ATRNL1: variants seen among roughly 807,000 people sequenced by gnomAD.
ATRNL1 encodes attractin-like protein 1.
Under a neutral mutation model 182.7 loss-of-function variants are expected in ATRNL1, and 95 were observed. The observed-to-expected ratio is 0.52, with a 90% confidence interval of 0.44 to 0.62. The LOEUF (loss-of-function observed/expected upper bound fraction) is 0.62. ATRNL1 is among the 20% of genes least tolerant of loss of function. The probability of loss-of-function intolerance (pLI) is 0.00; values close to 1 mark genes in which losing one functional copy is unlikely to be tolerated. For synonymous variants in ATRNL1, 576 were observed against 568.3 expected (o/e 1.01, Z -0.19); for missense variants, 1,471 against 1,679.5 (o/e 0.88, Z 2.17).
intron 25 of ATRNL1, among the ~76,000 whole-genome samples, chr10:115,532,528 G>C (rs1851660129): frequency 6.6e-6 from 1 of 152,016 alleles, no homozygotes; most frequent in East Asian, 1.9e-4. Context: ...ATTTTGGGCT[G>C]AGACAGTGGG....
chr10:115,387,553 A>G (rs1359301750), intron 19 of ATRNL1, among the ~76,000 whole-genome samples: 2 of 152,170 alleles, frequency 1.3e-5, no homozygotes, highest in African/African-American at 4.8e-5. Flanking sequence ...ACCTGTATCA[A>G]TTTCCAGCCA....
chr10:115,526,423 G>C (rs1249172226), intron 25 of ATRNL1, among the ~76,000 whole-genome samples: 2 of 152,112 alleles, frequency 1.3e-5, no homozygotes, highest in African/African-American at 4.8e-5. Flanking sequence ...CCCTCTGCAG[G>C]TATCAATACA....
At chr10:115,451,027 C>T (rs2420080) in intron 21 of ATRNL1, among the ~76,000 whole-genome samples, 1,979 of 152,126 alleles carry the variant, frequency 0.013, 111 homozygotes, top group Admixed American at 0.1. Flanking sequence ...AATGAAGACT[C>T]CCTTTTCAAT....
At position 115,827,003 on chromosome 10, in the gene ATRNL1, C is replaced by A. The variant is rs1354030941; in HGVS notation, c.3904-20874C>A. Among the ~76,000 whole-genome samples the A allele has an allele frequency of 2.6e-5, 4 of 152,072 alleles. No homozygotes were observed. In the East Asian group the frequency reaches 7.7e-4, roughly 29 times the overall value. On this transcript the variant is annotated intron_variant, in intron 27 of 28. Transcript: ENST00000355044. ...CTGCCTAGAAATCTGTCTCCTGACA[C>A]CTCCATTCAAGTGTCATACATCAAA...
In ATRNL1 at chr10:115,313,919, GA is replaced by G. The variant is rs1248136605; in HGVS notation, c.2819-1595del. 2.0e-5 allele frequency among the ~76,000 whole-genome samples: 3 copies of G among 151,968 alleles called. No individual in the cohort carries two copies. The East Asian group carries it at 5.8e-4, about 29-fold the overall frequency. ...TAGCATAGTAACCCAATATACTTTT[GA>G]AAACAATTAGAATAAACTAGTTAAC... is the stretch of plus-strand genomic sequence containing the variant. On this transcript the variant is annotated intron_variant, in intron 17 of 28. Transcript: ENST00000355044.
chr10:115,579,822 CTT>C (rs1267342723), intron 26 of ATRNL1, among the ~76,000 whole-genome samples: 1 of 151,656 alleles, frequency 6.6e-6, no homozygotes, highest in African/African-American at 2.4e-5. Context: ...CTTCCTGCCT[CTT>C]TTTTATTGTT....
chr10:115,190,149 A>G (rs1848113121), intron 8 of ATRNL1, among the ~76,000 whole-genome samples: 1 of 152,090 alleles, frequency 6.6e-6, no homozygotes, highest in African/African-American at 2.4e-5. Flanking sequence ...AAATTGCCTA[A>G]CAGTGCATTT....
intron 28 of ATRNL1, among the ~76,000 whole-genome samples, chr10:115,871,482 T>TAG (rs1555106106): frequency 7.8e-6 from 1 of 127,704 alleles, no homozygotes; most frequent in Non-Finnish European, 1.5e-5. Context: ...TGTGTGTGTA[T>TAG]ATATATATAT....
chr10:115,466,725 G>T (rs1452652203), intron 22 of ATRNL1, among the ~76,000 whole-genome samples: 3 of 150,876 alleles, frequency 2.0e-5, no homozygotes, highest in Non-Finnish European at 4.5e-5. Context: ...GAAAATATGG[G>T]TTTAATAATA....
chr10:115,916,529 A>G (rs533698925), intron 28 of ATRNL1, among the ~76,000 whole-genome samples: 7 of 152,352 alleles, frequency 4.6e-5, no homozygotes, highest in African/African-American at 1.7e-4. Context: ...CTATGATTTC[A>G]GCTCTCCCTC....
chr10:115,121,124 T>G (rs1592128222), intron 2 of ATRNL1, among the ~76,000 whole-genome samples: 1 of 152,238 alleles, frequency 6.6e-6, no homozygotes, highest in African/African-American at 2.4e-5. Context: ...AAAGATTTTT[T>G]TTTTTTGAGA....
At chr10:115,160,466 A>G (rs1474967078) in intron 6 of ATRNL1, among the ~76,000 whole-genome samples, 1 of 151,816 alleles carries the variant, frequency 6.6e-6, no homozygotes, top group African/African-American at 2.4e-5. Flanking sequence ...AGAAAATATT[A>G]ACTTCAAATA....
At position 115,247,602 on chromosome 10, in the gene ATRNL1, A is replaced by G. The variant is rs200564978; in HGVS notation, c.1687+5877A>G. 1.1e-4 allele frequency among the ~76,000 whole-genome samples: 16 copies of G among 152,312 alleles called. No homozygotes were observed. The East Asian group carries it at 3.1e-3, about 29-fold the overall frequency. ...ATGTAAGCTAGTACAGCCACTATGG[A>G]GAATAGTATGGAGGTTCTTCAAAAA... On this transcript the variant is annotated intron_variant, in intron 10 of 28. Coordinates refer to ENST00000355044, the MANE Select transcript of ATRNL1 (RefSeq NM_207303.4).
At chr10:115,363,600 A>G (rs1201366731) in intron 19 of ATRNL1, among the ~76,000 whole-genome samples, 2 of 149,912 alleles carry the variant, frequency 1.3e-5, no homozygotes, top group African/African-American at 2.4e-5. Context: ...GCCCATGCCT[A>G]TGTCCTGAAT....
At position 115,170,044 on chromosome 10, in the gene ATRNL1, A is replaced by T. The variant is rs184121702; in HGVS notation, c.1093-993A>T. On this transcript the variant is annotated intron_variant, in intron 7 of 28. Transcript: ENST00000355044. Reference sequence around the variant, plus strand: ...TTAGCTCTAAGTGCTTTTTAAAAAAATTTTTAGGACTTTCTATATACCAGA... The same window carrying T: ...TTAGCTCTAAGTGCTTTTTAAAAAATTTTTTAGGACTTTCTATATACCAGA... Among the ~76,000 whole-genome samples the T allele has an allele frequency of 9.3e-3, 1,420 of 152,232 alleles. 10 individuals are homozygous for T. Among genetic ancestry groups the T allele is most frequent in the Non-Finnish European group, 0.012 (810 of 67,998 alleles).
chr10:115,279,769 ATT>A (rs1360125407), intron 13 of ATRNL1, among the ~76,000 whole-genome samples: 4 of 152,162 alleles, frequency 2.6e-5, no homozygotes, highest in Non-Finnish European at 4.4e-5. Flanking sequence ...CCAATGTTCA[ATT>A]TCCAATTGGT....
At chr10:115,250,066 A>G (rs953187752) in intron 10 of ATRNL1, among the ~76,000 whole-genome samples, 8 of 152,212 alleles carry the variant, frequency 5.3e-5, no homozygotes, top group South Asian at 2.1e-4. Context: ...AATTCCCCAT[A>G]TGGCCATAGG....
intron 25 of ATRNL1, among the ~76,000 whole-genome samples, chr10:115,536,540 A>T (rs1270331940): frequency 1.3e-5 from 2 of 152,302 alleles, no homozygotes; most frequent in East Asian, 3.9e-4. Flanking sequence ...TAGGTAAGGG[A>T]ATTTCCTGAC....
chr10:115,176,363 A>T (rs529008956), intron 8 of ATRNL1, among the ~76,000 whole-genome samples: 1 of 152,198 alleles, frequency 6.6e-6, no homozygotes, highest in South Asian at 2.1e-4. Context: ...AGTGTTTTAG[A>T]CATGAAGTCC....
Sources: gnomAD v4.1 joint callset for allele counts (sites outside exome capture counted in the v4.1 genomes callset) on GRCh38, gnomAD v4.1.1 for gene constraint, MANE v1.5 for transcripts, NCBI Gene and HGNC (gene_info 2026-07-23, HGNC 2026-07-21) for gene names.